The following HMCN1 variants were observed in gnomAD, a reference collection of about 807,000 sequenced individuals.
HMCN1 encodes hemicentin 1, also known as hemicentin-1.
Under a neutral mutation model 625.9 loss-of-function variants are expected in HMCN1, and 321 were observed. That is an observed-to-expected ratio of 0.51 (90% CI 0.47 to 0.56). The LOEUF (loss-of-function observed/expected upper bound fraction) is 0.56. HMCN1 is among the 20% of genes least tolerant of loss of function. The pLI is 0.00. For missense variants in HMCN1, 6,588 were observed against 6,887.3 expected (o/e 0.96, Z 1.54); for synonymous variants, 2,425 against 2,417.6 (o/e 1.00, Z -0.09).
rs200146197 is a variant in HMCN1 at position 186,003,779 on chromosome 1, C to T, written c.4410C>T (p.Asp1470=). Residue 1470 remains aspartate (D), a synonymous_variant, in exon 29 of 107, where the codon GAC becomes GAT. Coordinates refer to ENST00000271588, the MANE Select transcript of HMCN1 (RefSeq NM_031935.3). ...PNEVSVVLNR[D]VALECQVKGT... ...AAGTCTCAGTTGTCCTCAACCGTGA[C>T]GTCGCCCTTGAATGCCAGGTCAAAG... The T allele has an allele frequency of 2.2e-5, 36 of 1,612,730 alleles. No homozygotes were observed. The highest frequency in any genetic ancestry group is 3.3e-4 in the Middle Eastern group (2 of 6,078).
intron 42 of HMCN1, among the ~76,000 whole-genome samples, chr1:186,050,027 C>T (rs1012678505): frequency 6.6e-6 from 1 of 151,684 alleles, no homozygotes; most frequent in Admixed American, 6.6e-5. Flanking sequence ...TTTCCCTTCC[C>T]TTCTGTCCTC....
chr1:185,973,901 A>C (rs1036133367), intron 15 of HMCN1, among the ~76,000 whole-genome samples: 2 of 152,182 alleles, frequency 1.3e-5, no homozygotes, highest in Non-Finnish European at 2.9e-5. Flanking sequence ...TGGAACCAAA[A>C]CAATGTGTCC....
chr1:185,920,181 G>A (rs1442220584), intron 6 of HMCN1, among the ~76,000 whole-genome samples: 1 of 152,066 alleles, frequency 6.6e-6, no homozygotes, highest in Non-Finnish European at 1.5e-5. Flanking sequence ...TAACATCAGA[G>A]GCTATTTTAA....
At chr1:185,808,283 G>T (rs529803055) in intron 1 of HMCN1, among the ~76,000 whole-genome samples, 49 of 152,262 alleles carry the variant, frequency 3.2e-4, no homozygotes, top group African/African-American at 1.2e-3. Context: ...AGAAGCAGAG[G>T]TTGCAGATAG....
At chr1:185,968,233 A>C (rs894447544) in intron 14 of HMCN1, among the ~76,000 whole-genome samples, 1 of 152,060 alleles carries the variant, frequency 6.6e-6, no homozygotes, top group Middle Eastern at 3.2e-3. Flanking sequence ...TCTGGAGGCT[A>C]TGTGATGTGT....
At chr1:186,062,667 T>G in intron 48 of HMCN1, 67 bp downstream of exon 48, 1 of 1,051,370 alleles carries the variant, frequency 9.5e-7, no homozygotes, top group African/African-American at 1.6e-5. Flanking sequence ...CTCCACTATA[T>G]ATCTTAAAAA....
intron 49 of HMCN1, among the ~76,000 whole-genome samples, chr1:186,066,532 A>G (rs908009623): frequency 6.6e-6 from 1 of 152,032 alleles, no homozygotes; most frequent in Non-Finnish European, 1.5e-5. Context: ...CCTTGCTTGC[A>G]GCTTCACCGT....
At chr1:185,781,818 T>C (rs1657136775) in intron 1 of HMCN1, among the ~76,000 whole-genome samples, 1 of 152,246 alleles carries the variant, frequency 6.6e-6, no homozygotes, top group African/African-American at 2.4e-5. Context: ...GAAGCATGTA[T>C]GTTCTGTTGA....
intron 70 of HMCN1, 123 bp downstream of exon 70, chr1:186,107,088 G>A: frequency 1.3e-6 from 1 of 746,542 alleles, no homozygotes; most frequent in Non-Finnish European, 2.4e-6. Context: ...TTGCAAATCT[G>A]AATCTTTTTT....
In HMCN1 at chr1:186,121,890, A is replaced by G. The variant is rs140873070; in HGVS notation, c.12230-1061A>G. On this transcript the variant is annotated intron_variant, in intron 80 of 106. Coordinates refer to ENST00000271588, the MANE Select transcript of HMCN1 (RefSeq NM_031935.3). ...ATAATACAATGGAGAGGGCAGGGATATCGTTGGAAAACTTAATGAAGGCTA... is the reference window on the plus strand; with the variant it reads ...ATAATACAATGGAGAGGGCAGGGATGTCGTTGGAAAACTTAATGAAGGCTA... Among the ~76,000 whole-genome samples the G allele has an allele frequency of 1.1e-3, 165 of 152,306 alleles. 2 individuals are homozygous for G. The highest frequency in any genetic ancestry group is 5.6e-3 in the East Asian group (29 of 5,180).
intron 97 of HMCN1, among the ~76,000 whole-genome samples, chr1:186,155,480 T>C (rs1650941282): frequency 6.6e-6 from 1 of 152,138 alleles, no homozygotes; most frequent in South Asian, 2.1e-4. Context: ...CAGTACTCCA[T>C]CTAATTTAAA....
intron 30 of HMCN1, among the ~76,000 whole-genome samples, chr1:186,011,473 A>G (rs1009418175): frequency 6.6e-6 from 1 of 152,222 alleles, no homozygotes. Context: ...CATTGCTTGG[A>G]AGGCATTACA....
intron 1 of HMCN1, among the ~76,000 whole-genome samples, chr1:185,757,043 C>T (rs759824155): frequency 2.0e-5 from 3 of 152,170 alleles, no homozygotes; most frequent in South Asian, 2.1e-4. Context: ...GGCGCAATCT[C>T]GGCTCACTGC....
chr1:186,054,072 G>A, intron 44 of HMCN1, 86 bp downstream of exon 44: 1 of 1,310,252 alleles, frequency 7.6e-7, no homozygotes, highest in African/African-American at 1.5e-5. Flanking sequence ...TATCTTTAAT[G>A]TTCATTCAAA....
rs72733232 is a variant in HMCN1, at chr1:185,814,383, G to A, written c.269-31643G>A. 5.9e-4 allele frequency among the ~76,000 whole-genome samples: 90 copies of A among 152,216 alleles called. No homozygotes were observed. In the Middle Eastern group the frequency reaches 0.017, roughly 29 times the overall value. The stretch of plus-strand genomic sequence containing the variant: ...GTGGGATACTTCCCGATGTATACTG[G>A]TTTTCATGAGACATTAAAATTTAAT... On this transcript the variant is annotated intron_variant, in intron 1 of 106. Coordinates refer to ENST00000271588, the MANE Select transcript of HMCN1 (RefSeq NM_031935.3).
intron 11 of HMCN1, among the ~76,000 whole-genome samples, chr1:185,959,991 A>G (rs1649894163): frequency 6.6e-6 from 1 of 152,162 alleles, no homozygotes; most frequent in Non-Finnish European, 1.5e-5. Context: ...GAAATCTACT[A>G]TATCATTATT....
chr1:186,124,817 C>T (rs892511184), intron 81 of HMCN1, among the ~76,000 whole-genome samples: 1 of 151,952 alleles, frequency 6.6e-6, no homozygotes, highest in Non-Finnish European at 1.5e-5. Context: ...ATTCCAAATT[C>T]ATTGTTTTGG....
At chr1:185,962,429 G>C (rs747328221) in intron 11 of HMCN1, 89 bp from the exon 12 acceptor site, 92 of 1,049,180 alleles carry the variant, frequency 8.8e-5, no homozygotes, top group Non-Finnish European at 1.3e-4. Context: ...AGATGTGGTG[G>C]TGAGAAACCT....
At chr1:185,952,460 G>A (rs893347250) in intron 11 of HMCN1, among the ~76,000 whole-genome samples, 9 of 151,630 alleles carry the variant, frequency 5.9e-5, no homozygotes, top group African/African-American at 2.2e-4. Context: ...AGGGAAAGAA[G>A]GAAGATTTGG....
Sources: allele counts gnomAD v4.1 joint callset (sites outside exome capture counted in the v4.1 genomes callset), GRCh38; gene constraint gnomAD v4.1.1; transcripts MANE v1.5; gene names NCBI Gene and HGNC (gene_info 2026-07-23, HGNC 2026-07-21).